LAMC2: variants seen among roughly 807,000 people sequenced by gnomAD.
LAMC2 encodes the protein laminin subunit gamma 2, also known as laminin subunit gamma-2.
Under a neutral mutation model 140.2 loss-of-function variants are expected in LAMC2, and 97 were observed. That is an observed-to-expected ratio of 0.69 (90% CI 0.59 to 0.82). The LOEUF (loss-of-function observed/expected upper bound fraction) is 0.82, where lower values mean the gene tolerates loss of function less well. Among genes scored for constraint, LAMC2 ranks in the 40% least tolerant of loss-of-function variants. LAMC2 has a pLI of 0.00. For missense variants in LAMC2, 1,402 were observed against 1,476.1 expected (o/e 0.95, Z 0.82); for synonymous variants, 513 against 540.2 (o/e 0.95, Z 0.70).
chr1:183,215,352 C>G, intron 2 of LAMC2, 101 bp from the exon 3 acceptor site: 1 of 1,322,588 alleles, frequency 7.6e-7, no homozygotes, highest in African/African-American at 1.4e-5. Context: ...CTTCTTACTT[C>G]GTGTTTACGG....
At chr1:183,229,019 T>C (rs536874842) in intron 11 of LAMC2, among the ~76,000 whole-genome samples, 47 of 151,670 alleles carry the variant, frequency 3.1e-4, no homozygotes, top group African/African-American at 1.1e-3. Context: ...GGAAGGGGAG[T>C]GGGCTGTAAA....
In LAMC2 at chr1:183,228,339, T is replaced by G. The variant is rs1225491942; in HGVS notation, c.1469-35T>G. On this transcript the variant is annotated intron_variant, in intron 10 of 22. Coordinates refer to ENST00000264144, the MANE Select transcript of LAMC2 (RefSeq NM_005562.3). This position sits in a 1 kb window ranked among gnomAD's most constrained non-coding sequence, Gnocchi z 4.3. Reference sequence around the variant, plus strand: ...TGCGTCTGGTCTTCCTCCTGATGGATGTCGACCTAGGCTTGGTCATTTGTT... The same window carrying G: ...TGCGTCTGGTCTTCCTCCTGATGGAGGTCGACCTAGGCTTGGTCATTTGTT... 3.1e-6 allele frequency: 5 copies of G among 1,613,984 alleles called. No individual in the cohort carries two copies. Among genetic ancestry groups the G allele is most frequent in the Non-Finnish European group, 4.2e-6 (5 of 1,179,990 alleles).
chr1:183,186,552 C>A, intron 1 of LAMC2, 121 bp downstream of exon 1: 2 of 1,024,642 alleles, frequency 2.0e-6, no homozygotes, highest in Non-Finnish European at 2.9e-6. Flanking sequence ...CTTGTTAGAG[C>A]TCCCTTCTCC....
At position 183,231,119 on chromosome 1, in the gene LAMC2, C is replaced by T; in HGVS notation, c.1857+16C>T. The T allele has an allele frequency of 6.2e-7, 1 of 1,614,002 alleles. No homozygotes were observed. Among genetic ancestry groups the T allele is most frequent in the Non-Finnish European group, 8.5e-7 (1 of 1,179,936 alleles). On this transcript the variant is annotated intron_variant, in intron 12 of 22. Transcript: ENST00000264144. Reference sequence around the variant, plus strand: ...GAAGATTCAGGTATGCATTCTTCCCCTTACCACCCCCAACCCCACAGAATC... The same window carrying T: ...GAAGATTCAGGTATGCATTCTTCCCTTTACCACCCCCAACCCCACAGAATC...
At chr1:183,202,972 C>T (rs1658765919) in intron 1 of LAMC2, among the ~76,000 whole-genome samples, 1 of 152,148 alleles carries the variant, frequency 6.6e-6, no homozygotes, top group Non-Finnish European at 1.5e-5. Flanking sequence ...GACTAAATGC[C>T]TACCATGGAC....
At chr1:183,223,812 G>A (rs1659546873) in intron 7 of LAMC2, among the ~76,000 whole-genome samples, 1 of 152,216 alleles carries the variant, frequency 6.6e-6, no homozygotes, top group Admixed American at 6.5e-5. Flanking sequence ...GCAGTGAGAA[G>A]TGAGGTAGGA....
At chr1:183,222,578 C>T (rs567116325) in intron 6 of LAMC2, among the ~76,000 whole-genome samples, 1 of 145,914 alleles carries the variant, frequency 6.9e-6, no homozygotes, top group Admixed American at 6.9e-5. Flanking sequence ...CTTCAAATAC[C>T]TGTAAGTTAA....
chr1:183,198,195 G>A (rs1475375868), intron 1 of LAMC2, among the ~76,000 whole-genome samples: 1 of 147,082 alleles, frequency 6.8e-6, no homozygotes, highest in Non-Finnish European at 1.5e-5. Context: ...AGGCTGGAGT[G>A]CAGTTTCGTG....
chr1:183,251,243 C>T, the LAMC2 span: 1 of 152,222 alleles, frequency 6.6e-6, no homozygotes, highest in Non-Finnish European at 1.5e-5. Context: ...TCCTGCAGCT[C>T]CCAGGCTCTG....
chr1:183,220,994 T>C (rs1410415074), intron 5 of LAMC2, 33 bp downstream of exon 5: 2 of 1,607,320 alleles, frequency 1.2e-6, no homozygotes. Flanking sequence ...TTTTAGTTTT[T>C]TAATGTTGTA....
At chr1:183,248,381 A>G (rs1660283691), downstream of LAMC2, 1 of 152,652 alleles carries the variant, frequency 6.6e-6, no homozygotes, top group Non-Finnish European at 1.5e-5. Context: ...TTATTAATGA[A>G]TTGATTTCCA....
chr1:183,208,162 C>T (rs1306607480), intron 2 of LAMC2, 93 bp downstream of exon 2: 1 of 1,207,730 alleles, frequency 8.3e-7, no homozygotes. Context: ...AGGAAGGGAA[C>T]AACGGAGGAA....
the LAMC2 span, chr1:183,252,063 ACCACAGGAG>A: frequency 3.9e-5 from 6 of 153,688 alleles, no homozygotes; most frequent in Non-Finnish European, 7.2e-5. Flanking sequence ...GGGAAGTAAT[ACCACAGGAG>A]CACATCAAGA....
intron 5 of LAMC2, among the ~76,000 whole-genome samples, chr1:183,221,602 A>G (rs1385125903): frequency 2.6e-5 from 4 of 152,074 alleles, no homozygotes; most frequent in Middle Eastern, 3.4e-3. Flanking sequence ...AGTGGTGGGC[A>G]CCTGTAGTCC....
chr1:183,252,615 T>TG, the LAMC2 span: 1 of 1,487,764 alleles, frequency 6.7e-7, no homozygotes, highest in East Asian at 2.3e-5. Flanking sequence ...GGAGGGGCCA[T>TG]TGTGTTGCCG....
At chr1:183,240,519 T>G (rs772106330) in intron 22 of LAMC2, 128 bp downstream of exon 22, 11 of 1,475,276 alleles carry the variant, frequency 7.5e-6, no homozygotes, top group Non-Finnish European at 9.9e-6. Flanking sequence ...AAATGTGCTT[T>G]GTTTCCAGGC....
rs1660193972 is a variant in LAMC2 at position 183,244,136 on chromosome 1, C to T, written c.*736C>T. 1 of 152,164 alleles carries T rather than the reference C, an allele frequency of 6.6e-6. No individual in the cohort carries two copies. Among genetic ancestry groups the T allele is most frequent in the Non-Finnish European group, 1.5e-5 (1 of 68,052 alleles). The allele number at this position is 152,164 out of a possible 1,614,324, so 9.4% of individuals were successfully genotyped here. Reference sequence around the variant, plus strand: ...TTTTTATTAAAGCATTTCCTACCAGCAAAGCAAATGTTGGGAAAGTATTTA... The same window carrying T: ...TTTTTATTAAAGCATTTCCTACCAGTAAAGCAAATGTTGGGAAAGTATTTA... On this transcript the variant is annotated 3_prime_UTR_variant, in exon 23 of 23. Transcript: ENST00000264144.
chr1:183,187,006 C>T (rs1658175185), intron 1 of LAMC2, among the ~76,000 whole-genome samples: 2 of 152,204 alleles, frequency 1.3e-5, no homozygotes, highest in African/African-American at 2.4e-5. Flanking sequence ...ATCATTTGAT[C>T]TTATCTAGGG....
intron 15 of LAMC2, 123 bp downstream of exon 15, chr1:183,234,569 T>C: frequency 1.2e-6 from 1 of 818,838 alleles, no homozygotes; most frequent in East Asian, 2.6e-5. Flanking sequence ...TTTGCAGCCA[T>C]TCCCTACCTT....
Sources: gnomAD v4.1 joint callset for allele counts (sites outside exome capture counted in the v4.1 genomes callset) on GRCh38, gnomAD v4.1.1 for gene constraint, Gnocchi (gnomAD v3.1) non-coding constraint, MANE v1.5 for transcripts, NCBI Gene and HGNC (gene_info 2026-07-23, HGNC 2026-07-21) for gene names.